C6orf118: variants seen among roughly 807,000 people sequenced by gnomAD.
C6orf118 encodes the protein chromosome 6 open reading frame 118, also known as uncharacterized protein C6orf118.
A neutral mutation model predicts 50.2 loss-of-function variants in C6orf118; 50 were observed. The observed-to-expected ratio is 1.00, with a 90% confidence interval of 0.79 to 1.26. C6orf118 has a LOEUF of 1.26. Ranked by LOEUF, C6orf118 falls within the 50% of genes most tolerant of loss-of-function variation. The pLI, the probability that C6orf118 is intolerant of heterozygous loss-of-function variation, is 0.00. For missense variants in C6orf118, 641 were observed against 578.7 expected (o/e 1.11, Z -1.10); for synonymous variants, 239 against 230.9 (o/e 1.03, Z -0.32).
intron 6 of C6orf118, among the ~76,000 whole-genome samples, chr6:165,290,906 A>T (rs1583008732): frequency 6.6e-6 from 1 of 152,206 alleles, no homozygotes; most frequent in Non-Finnish European, 1.5e-5. Flanking sequence ...GTGGCTGGGG[A>T]AGCCTCACAA....
chr6:165,279,701 T>G lies in C6orf118; in HGVS notation c.*356A>C, dbSNP rs1489940330. On this transcript the variant is annotated 3_prime_UTR_variant, in exon 9 of 9. Coordinates refer to ENST00000230301, the MANE Select transcript of C6orf118 (RefSeq NM_144980.4). ...TATAAAATTTTATTAAATGCATATA[T>G]GTAAACTTGTGTTGGCAAATAAACA... 3 of 183,228 alleles carry G rather than the reference T, an allele frequency of 1.6e-5. No individual in the cohort carries two copies. In the East Asian group the frequency reaches 4.1e-4, roughly 25 times the overall value. The allele number at this position is 183,228 out of a possible 1,614,324, so 11.4% of individuals were successfully genotyped here.
Position 165,298,045 on chromosome 6 carries a change from C to G in C6orf118, c.993G>C (p.Met331Ile), listed in dbSNP as rs1456338458. ...LGQRPVKTAD[M>I]DLAREELRML... ...TCCTCAGCTCTTCCCTGGCGAGATCCATGTCCGCCGTCTTCACCGGCCTCT... is the reference window on the plus strand; with the variant it reads ...TCCTCAGCTCTTCCCTGGCGAGATCGATGTCCGCCGTCTTCACCGGCCTCT... Residue 331 changes from methionine (M) to isoleucine (I), a missense_variant, in exon 5 of 9, where the codon ATG becomes ATC. Physicochemically the swap from Met to Ile is conservative, Grantham distance 10. Transcript: ENST00000230301. The G allele has an allele frequency of 1.2e-6, 2 of 1,613,616 alleles. No homozygotes were observed. Among genetic ancestry groups the G allele is most frequent in the Non-Finnish European group, 1.7e-6 (2 of 1,179,784 alleles).
chr6:165,299,162 A>T (rs1440083389), intron 4 of C6orf118, among the ~76,000 whole-genome samples: 1 of 152,222 alleles, frequency 6.6e-6, no homozygotes, highest in Admixed American at 6.5e-5. Flanking sequence ...TGGTTTTTGG[A>T]AATTACTGGA....
At chr6:165,303,192 C>T (rs370661995) in intron 1 of C6orf118, among the ~76,000 whole-genome samples, 14 of 152,154 alleles carry the variant, frequency 9.2e-5, no homozygotes, top group African/African-American at 2.4e-4. Context: ...TCAACCAAGG[C>T]GGCTGAATAC....
chr6:165,284,798 C>T (rs1453205915), intron 7 of C6orf118, among the ~76,000 whole-genome samples: 1 of 152,182 alleles, frequency 6.6e-6, no homozygotes, highest in East Asian at 1.9e-4. Context: ...CACCACTAGG[C>T]CTGCCTTGCA....
At chr6:165,300,306 G>A in intron 3 of C6orf118, 58 bp downstream of exon 3, 2 of 1,599,494 alleles carry the variant, frequency 1.3e-6, no homozygotes, top group East Asian at 2.2e-5. Flanking sequence ...GATCATTCTT[G>A]TACACAGAAC....
intron 7 of C6orf118, among the ~76,000 whole-genome samples, chr6:165,288,731 C>A (rs1381455863): frequency 3.9e-5 from 6 of 151,986 alleles, no homozygotes; most frequent in Non-Finnish European, 7.4e-5. Context: ...GGGAGCTGAA[C>A]AATGAGAATG....
chr6:165,295,280 GTTTTATTTCT>G (rs1780249729), intron 5 of C6orf118, among the ~76,000 whole-genome samples: 1 of 151,858 alleles, frequency 6.6e-6, no homozygotes, highest in Admixed American at 6.6e-5. Context: ...TTTTTATCTT[GTTTTATTTCT>G]TCTTTATTGT....
intron 5 of C6orf118, 70 bp from the exon 6 acceptor site, chr6:165,293,541 ACAC>A (rs914970469): frequency 2.4e-6 from 3 of 1,261,586 alleles, no homozygotes; most frequent in Admixed American, 1.9e-5. Context: ...TGTCTGGGTT[ACAC>A]CACAAGTCTC....
At position 165,279,740 on chromosome 6, in the gene C6orf118, T is replaced by C. The variant is rs1779666379; in HGVS notation, c.*317A>G. On this transcript the variant is annotated 3_prime_UTR_variant, in exon 9 of 9. Transcript: ENST00000230301. ...GGCAAATAAACAAATTTGAGCTGTA[T>C]TCAAGCAGCGCTGAATTCCTTATTC... is the stretch of plus-strand genomic sequence containing the variant. 1 of 233,442 alleles carries C rather than the reference T, an allele frequency of 4.3e-6. No individual in the cohort carries two copies. The highest frequency in any genetic ancestry group is 8.2e-6 in the Non-Finnish European group (1 of 122,494). 14.5% of individuals were successfully genotyped at this position (233,442 alleles called of 1,614,324 possible).
intron 5 of C6orf118, among the ~76,000 whole-genome samples, chr6:165,295,318 A>C (rs1401362861): frequency 6.6e-6 from 1 of 151,830 alleles, no homozygotes; most frequent in East Asian, 1.9e-4. Flanking sequence ...TTCTCTCCTT[A>C]GTTTTTAAAT....
At chr6:165,283,032 A>C (rs571753945) in intron 7 of C6orf118, among the ~76,000 whole-genome samples, 51 of 152,192 alleles carry the variant, frequency 3.4e-4, no homozygotes, top group Non-Finnish European at 6.2e-4. Flanking sequence ...AAAAACCGCG[A>C]AGAAAATCTG....
In C6orf118 at chr6:165,300,607, A is replaced by G. The variant is rs879083926; in HGVS notation, c.754-121T>C. On this transcript the variant is annotated intron_variant, in intron 2 of 8. Transcript: ENST00000230301. The stretch of plus-strand genomic sequence containing the variant: ...CCCTGGCGAGTGGGCGGGGCGGCAC[A>G]GGGGGCCAGTCTCGGGGGTTCTGAT... 6 of 801,218 alleles carry G rather than the reference A, an allele frequency of 7.5e-6. No individual in the cohort carries two copies. In the African/African-American group the frequency reaches 1.1e-4, roughly 14 times the overall value. 49.6% of individuals were successfully genotyped at this position (801,218 alleles called of 1,614,324 possible).
chr6:165,291,111 A>G (rs553749281), intron 6 of C6orf118, among the ~76,000 whole-genome samples: 2 of 152,280 alleles, frequency 1.3e-5, no homozygotes, highest in African/African-American at 4.8e-5. Context: ...CCCTCCCACA[A>G]CACATAGGAA....
intron 1 of C6orf118, among the ~76,000 whole-genome samples, chr6:165,303,337 T>A (rs2128164508): frequency 6.6e-6 from 1 of 151,732 alleles, no homozygotes; most frequent in Non-Finnish European, 1.5e-5. Flanking sequence ...AGAGGGAAAT[T>A]TATAGCACTA....
In C6orf118 at chr6:165,290,032, G is replaced by A; in HGVS notation, c.1156C>T (p.Leu386Phe). 1.2e-6 allele frequency: 2 copies of A among 1,606,378 alleles called. No individual in the cohort carries two copies. Among genetic ancestry groups the A allele is most frequent in the Non-Finnish European group, 1.7e-6 (2 of 1,177,362 alleles). The change falls in exon 7 of 9, where the codon CTT (leucine) becomes TTT (phenylalanine). Residue 386 changes from leucine to phenylalanine, a missense_variant. Coordinates refer to ENST00000230301, the MANE Select transcript of C6orf118 (RefSeq NM_144980.4). The part of the protein sequence containing the change: ...SEKHIIDENR[L>F]TLTEKVEKKR... ...TTTTCAACCTTCTCAGTAAGAGTAA[G>A]TCGGTTTTCATCAATTATATGTTTC... is the stretch of plus-strand genomic sequence containing the variant.
In C6orf118 at chr6:165,297,972, C is replaced by A. The variant is rs373374426; in HGVS notation, c.1061+5G>T. The A allele has an allele frequency of 1.9e-6, 3 of 1,613,704 alleles. No individual in the cohort carries two copies. Among genetic ancestry groups the A allele is most frequent in the Non-Finnish European group, 2.5e-6 (3 of 1,180,044 alleles). On this transcript the variant is annotated splice_donor_5th_base_variant and intron_variant, in intron 5 of 8. Coordinates refer to ENST00000230301, the MANE Select transcript of C6orf118 (RefSeq NM_144980.4). ...CATAGATCAGATCCGTCCCTCATGC[C>A]TCACCTATCATTCTGCTCCAGGGCT...
intron 4 of C6orf118, among the ~76,000 whole-genome samples, 200 bp downstream of exon 4, chr6:165,299,243 A>C (rs1468137126): frequency 3.3e-5 from 5 of 152,238 alleles, no homozygotes; most frequent in South Asian, 4.1e-4. Flanking sequence ...AAATAATGCT[A>C]TGCCAATCAA....
chr6:165,307,211 C>A (rs1583031586), intron 1 of C6orf118, among the ~76,000 whole-genome samples: 1 of 44,532 alleles, frequency 2.2e-5, no homozygotes, highest in Non-Finnish European at 3.8e-5. Context: ...CATCCCCCCA[C>A]CCCCCCCACC....
Sources: allele counts gnomAD v4.1 joint callset (sites outside exome capture counted in the v4.1 genomes callset), GRCh38; gene constraint gnomAD v4.1.1; transcripts MANE v1.5; gene names NCBI Gene and HGNC (gene_info 2026-07-23, HGNC 2026-07-21).